Variants in NEK10 observed in about 807,000 individuals in gnomAD.
The protein encoded by NEK10 is NIMA related kinase 10, also known as serine/threonine-protein kinase Nek10.
A neutral mutation model predicts 159.8 loss-of-function variants in NEK10; 122 were observed. The ratio of observed to expected loss-of-function variants is 0.76; its 90% CI spans 0.66 to 0.89. The LOEUF (loss-of-function observed/expected upper bound fraction) is 0.89, where lower values mean the gene tolerates loss of function less well. NEK10 is among the 40% of genes least tolerant of loss of function. The probability of loss-of-function intolerance (pLI) is 0.00; values close to 1 mark genes in which losing one functional copy is unlikely to be tolerated. For missense variants in NEK10, 1,342 were observed against 1,323.1 expected (o/e 1.01, Z -0.22); for synonymous variants, 466 against 457.1 (o/e 1.02, Z -0.25).
intron 16 of NEK10, among the ~76,000 whole-genome samples, chr3:27,292,767 C>CAAAAAAA (rs35773318): frequency 1.1e-5 from 1 of 88,408 alleles, no homozygotes; most frequent in African/African-American, 3.2e-5. Flanking sequence ...GAGCCTTTGT[C>CAAAAAAA]AAAAAAAAAA....
At chr3:27,291,227 G>A (rs760229626) in intron 18 of NEK10, 35 bp downstream of exon 18, 2 of 1,597,398 alleles carry the variant, frequency 1.3e-6, no homozygotes, top group Non-Finnish European at 1.7e-6. Context: ...GGTTTGGTTG[G>A]GAGTATCAGA....
intron 19 of NEK10, among the ~76,000 whole-genome samples, chr3:27,288,506 C>T (rs2042777543): frequency 6.6e-6 from 1 of 152,202 alleles, no homozygotes. Context: ...CCCTCCCTCA[C>T]CCTGACCATT....
chr3:27,363,187 G>C (rs750830679), intron 1 of NEK10, among the ~76,000 whole-genome samples: 1 of 152,062 alleles, frequency 6.6e-6, no homozygotes, highest in Non-Finnish European at 1.5e-5. Flanking sequence ...GCTGGATGTC[G>C]CATCCTTCAT....
intron 11 of NEK10, among the ~76,000 whole-genome samples, chr3:27,307,046 G>A (rs755335829): frequency 7.9e-5 from 12 of 152,008 alleles, no homozygotes; most frequent in African/African-American, 2.7e-4. Flanking sequence ...TCTGTCTACC[G>A]TATCAGTTAT....
intron 30 of NEK10, among the ~76,000 whole-genome samples, chr3:27,151,544 C>A (rs544235874): frequency 3.3e-5 from 5 of 152,278 alleles, no homozygotes; most frequent in Admixed American, 6.5e-5. Context: ...ACAGAGCCTA[C>A]CCAAATAAGA....
chr3:27,137,128 A>C (rs1943297532), intron 31 of NEK10, among the ~76,000 whole-genome samples: 1 of 152,186 alleles, frequency 6.6e-6, no homozygotes, highest in African/African-American at 2.4e-5. Flanking sequence ...AGTTCCTCAA[A>C]GAGGAATCAT....
intron 32 of NEK10, among the ~76,000 whole-genome samples, chr3:27,124,645 C>T (rs1941729738): frequency 6.6e-6 from 1 of 152,032 alleles, no homozygotes; most frequent in Non-Finnish European, 1.5e-5. Context: ...AATGACTTAG[C>T]GGGTAAAAGA....
At chr3:27,144,720 T>C (rs1006285701) in intron 30 of NEK10, among the ~76,000 whole-genome samples, 1 of 152,178 alleles carries the variant, frequency 6.6e-6, no homozygotes, top group Non-Finnish European at 1.5e-5. Context: ...CTCATCCTTT[T>C]ATTACATTAT....
chr3:27,183,093 C>T (rs1948281377), intron 26 of NEK10, among the ~76,000 whole-genome samples: 1 of 151,876 alleles, frequency 6.6e-6, no homozygotes, highest in South Asian at 2.1e-4. Context: ...GTTTCTAACA[C>T]AAACAAATGA....
intron 13 of NEK10, among the ~76,000 whole-genome samples, chr3:27,297,450 C>A (rs926009133): frequency 6.6e-6 from 1 of 152,178 alleles, no homozygotes; most frequent in East Asian, 1.9e-4. Context: ...CCATGTAATT[C>A]ATGTGCGTGT....
In NEK10 at chr3:27,362,000, A is replaced by AT. The variant is rs200389403; in HGVS notation, c.-38+7224dup. On this transcript the variant is annotated intron_variant, in intron 1 of 35. Transcript: ENST00000691995. The stretch of plus-strand genomic sequence containing the variant: ...ATAATGTCTCTTTGTAAAAGAAGAC[A>AT]TTTTTTAATGGTTTAGGCAAATACA... Among the ~76,000 whole-genome samples the AT allele has an allele frequency of 1.4e-3, 218 of 152,320 alleles. 5 individuals are homozygous for AT. In the East Asian group the frequency reaches 0.037, roughly 26 times the overall value.
chr3:27,112,904 C>T (rs1370737011), intron 35 of NEK10, among the ~76,000 whole-genome samples: 1 of 152,174 alleles, frequency 6.6e-6, no homozygotes, highest in Non-Finnish European at 1.5e-5. Context: ...TAGCACCCTC[C>T]ATCCTTTGTG....
chr3:27,302,852 A>G (rs1183831691), intron 12 of NEK10, among the ~76,000 whole-genome samples: 1 of 152,134 alleles, frequency 6.6e-6, no homozygotes, highest in African/African-American at 2.4e-5. Context: ...CTTATCTGTC[A>G]ACATGATTCT....
chr3:27,246,173 T>A (rs907647741), intron 23 of NEK10, among the ~76,000 whole-genome samples: 2 of 152,188 alleles, frequency 1.3e-5, no homozygotes, highest in African/African-American at 4.8e-5. Context: ...CAAATCAGAC[T>A]GAAAAATGCA....
intron 3 of NEK10, among the ~76,000 whole-genome samples, chr3:27,347,987 T>C (rs562519879): frequency 4.7e-4 from 72 of 152,316 alleles, no homozygotes; most frequent in African/African-American, 1.7e-3. Context: ...GTGTCAAGCA[T>C]AGTTCTAATT....
At chr3:27,339,766 G>A (rs1282189964) in intron 5 of NEK10, among the ~76,000 whole-genome samples, 3 of 128,982 alleles carry the variant, frequency 2.3e-5, no homozygotes, top group East Asian at 2.4e-4. Flanking sequence ...GCCACAGGGC[G>A]AGACTCCATC....
chr3:27,261,782 A>C (rs2149353138), intron 22 of NEK10, among the ~76,000 whole-genome samples: 1 of 152,154 alleles, frequency 6.6e-6, no homozygotes, highest in East Asian at 1.9e-4. Context: ...TATCCTTGTT[A>C]ACTTTCTGTC....
chr3:27,256,868 C>T (rs939631644), intron 22 of NEK10, among the ~76,000 whole-genome samples: 1 of 150,730 alleles, frequency 6.6e-6, no homozygotes. Context: ...TTAGCACAAT[C>T]TTGTACTTTT....
intron 3 of NEK10, among the ~76,000 whole-genome samples, chr3:27,351,134 T>A (rs73055736): frequency 0.33 from 49,487 of 152,008 alleles, 10,109 homozygotes; most frequent in East Asian, 0.74. Flanking sequence ...GGAAACTATA[T>A]GGAGGTAATA....
Sources: gnomAD v4.1 joint callset for allele counts (sites outside exome capture counted in the v4.1 genomes callset) on GRCh38, gnomAD v4.1.1 for gene constraint, MANE v1.5 for transcripts, NCBI Gene and HGNC (gene_info 2026-07-23, HGNC 2026-07-21) for gene names.